NTM: variants seen among roughly 807,000 people sequenced by gnomAD.
The protein encoded by NTM is neurotrimin, also known as IgLON family member 2.
Under a neutral mutation model 42.1 loss-of-function variants are expected in NTM, and 13 were observed. That is an observed-to-expected ratio of 0.31 (90% confidence interval 0.20 to 0.49). The LOEUF is 0.49. NTM is among the 20% of genes least tolerant of loss of function. NTM has a pLI of 0.99. For synonymous variants in NTM, 187 were observed against 179.2 expected (o/e 1.04, Z -0.35); for missense variants, 373 against 452.8 (o/e 0.82, Z 1.60).
intron 1 of NTM, among the ~76,000 whole-genome samples, chr11:131,736,701 T>A (rs1342592528): frequency 6.6e-6 from 1 of 152,168 alleles, no homozygotes; most frequent in Non-Finnish European, 1.5e-5. Context: ...AAGAGGTAGA[T>A]GATGAGCGTA....
At chr11:131,940,113 C>T (rs78475439) in intron 2 of NTM, among the ~76,000 whole-genome samples, 10 of 152,348 alleles carry the variant, frequency 6.6e-5, no homozygotes, top group African/African-American at 2.2e-4. Flanking sequence ...TTTAGTCTCA[C>T]TGAAGATGAT....
At chr11:132,289,521 C>A (rs1262693555) in intron 4 of NTM, among the ~76,000 whole-genome samples, 1 of 152,192 alleles carries the variant, frequency 6.6e-6, no homozygotes, top group Non-Finnish European at 1.5e-5. Flanking sequence ...TCTTTGCCAT[C>A]TGCCTAGAAA....
At chr11:132,032,322 C>T (rs975819632) in intron 2 of NTM, among the ~76,000 whole-genome samples, 1 of 152,206 alleles carries the variant, frequency 6.6e-6, no homozygotes, top group African/African-American at 2.4e-5. Flanking sequence ...TATGTTGGTT[C>T]TGTCCTTGAC....
intron 2 of NTM, among the ~76,000 whole-genome samples, chr11:132,068,269 A>G (rs918877010): frequency 1.3e-5 from 2 of 152,138 alleles, no homozygotes; most frequent in African/African-American, 2.4e-5. Context: ...CAATTAATCT[A>G]TTTTTGCTCA....
At chr11:132,321,004 TC>T (rs1403443105) in intron 7 of NTM, among the ~76,000 whole-genome samples, 1 of 150,416 alleles carries the variant, frequency 6.6e-6, no homozygotes, top group Admixed American at 6.6e-5. Context: ...AGAAAGGACA[TC>T]CACACCAAAA....
chr11:132,220,778 C>T (rs565494475), intron 4 of NTM, among the ~76,000 whole-genome samples: 14 of 152,270 alleles, frequency 9.2e-5, no homozygotes, highest in South Asian at 8.3e-4. Context: ...CTTGATGGAA[C>T]AAATAAAGGA....
rs951797694 is a variant in NTM, at chr11:131,560,439, G to GA, written c.82+189558dup. On this transcript the variant is annotated intron_variant, in intron 1 of 8. Transcript: ENST00000683400. ...TTCTCTAGTAATCATATGCTACTTA[G>GA]AAAAAAATCAATACCATGAGGTTGG... 3.3e-5 allele frequency among the ~76,000 whole-genome samples: 5 copies of GA among 152,062 alleles called. No homozygotes were observed. The East Asian group carries it at 5.8e-4, about 18-fold the overall frequency.
chr11:131,455,742 G>A (rs1215360663), intron 1 of NTM, among the ~76,000 whole-genome samples: 1 of 152,208 alleles, frequency 6.6e-6, no homozygotes, highest in African/African-American at 2.4e-5. Context: ...TGGTGGACAT[G>A]CTGGGAGTGG....
At chr11:131,495,483 T>C (rs1955243598) in intron 1 of NTM, among the ~76,000 whole-genome samples, 1 of 152,244 alleles carries the variant, frequency 6.6e-6, no homozygotes, top group Admixed American at 6.5e-5. Context: ...TTTGCCTCTC[T>C]GCCCCACTAA....
intron 1 of NTM, among the ~76,000 whole-genome samples, chr11:131,543,878 A>G (rs1438035441): frequency 6.6e-6 from 1 of 152,184 alleles, no homozygotes; most frequent in Admixed American, 6.5e-5. Flanking sequence ...GCTCATTCTA[A>G]TTAATAACAG....
At chr11:132,095,981 C>T (rs963755108) in intron 2 of NTM, among the ~76,000 whole-genome samples, 2 of 152,160 alleles carry the variant, frequency 1.3e-5, no homozygotes, top group African/African-American at 2.4e-5. Context: ...TGCAGCATCC[C>T]GCTGTGGGAG....
intron 1 of NTM, among the ~76,000 whole-genome samples, chr11:131,384,419 A>G (rs73022108): frequency 0.048 from 7,246 of 152,342 alleles, 233 homozygotes; most frequent in Middle Eastern, 0.11. Context: ...GGATCAAGGG[A>G]GATTATACTT....
intron 1 of NTM, among the ~76,000 whole-genome samples, chr11:131,473,458 AG>A (rs1270132423): frequency 2.0e-5 from 3 of 152,154 alleles, no homozygotes. Context: ...GCTCATTCAT[AG>A]GGGCTCAATT....
At chr11:132,102,285 C>G (rs560255982) in intron 2 of NTM, among the ~76,000 whole-genome samples, 8 of 152,102 alleles carry the variant, frequency 5.3e-5, no homozygotes, top group Non-Finnish European at 1.2e-4. Flanking sequence ...GAGAATAAAC[C>G]TGAAGGGGAC....
chr11:132,123,805 A>ACC (rs1309597423), intron 2 of NTM, among the ~76,000 whole-genome samples: 1 of 152,076 alleles, frequency 6.6e-6, no homozygotes, highest in African/African-American at 2.4e-5. Context: ...CCGGTTACTG[A>ACC]CCAAGAGTTA....
chr11:131,604,882 T>G (rs924456867), intron 1 of NTM, among the ~76,000 whole-genome samples: 5 of 119,036 alleles, frequency 4.2e-5, no homozygotes, highest in Non-Finnish European at 9.6e-5. Context: ...TATGTGAGGG[T>G]TTTTTTTTCT....
intron 4 of NTM, among the ~76,000 whole-genome samples, chr11:132,214,171 A>AGTGTCCACTATACT: frequency 6.6e-6 from 1 of 152,132 alleles, no homozygotes; most frequent in Non-Finnish European, 1.5e-5. Flanking sequence ...TGTGCATGAG[A>AGTGTCCACTATACT]TCATTAGTGA....
chr11:131,438,206 C>T (rs1949310187), intron 1 of NTM, among the ~76,000 whole-genome samples: 1 of 152,240 alleles, frequency 6.6e-6, no homozygotes, highest in African/African-American at 2.4e-5. Context: ...CTCTGGCTGC[C>T]CTTAAAATTT....
chr11:131,500,577 ATTTTTTTTTT>A (rs71475759), intron 1 of NTM, among the ~76,000 whole-genome samples: 16 of 76,214 alleles, frequency 2.1e-4, no homozygotes, highest in African/African-American at 1.1e-3. Flanking sequence ...ATATATATAT[ATTTTTTTTTT>A]TTTTTTTTGT....
Sources: gnomAD v4.1 joint callset for allele counts (sites outside exome capture counted in the v4.1 genomes callset) on GRCh38, gnomAD v4.1.1 for gene constraint, MANE v1.5 for transcripts, NCBI Gene and HGNC (gene_info 2026-07-23, HGNC 2026-07-21) for gene names.